The following MAP3K21 variants were observed in gnomAD, a reference collection of about 807,000 sequenced individuals.
MAP3K21 encodes mitogen-activated protein kinase kinase kinase MLK4.
A neutral mutation model predicts 86.1 loss-of-function variants in MAP3K21; 63 were observed. The observed-to-expected ratio is 0.73, with a 90% CI of 0.60 to 0.90. The LOEUF (loss-of-function observed/expected upper bound fraction) is 0.90, where lower values mean the gene tolerates loss of function less well. MAP3K21 is among the 40% of genes least tolerant of loss of function. The probability of loss-of-function intolerance (pLI) is 0.00; values close to 1 mark genes in which losing one functional copy is unlikely to be tolerated. For synonymous variants in MAP3K21, 558 were observed against 564.8 expected (o/e 0.99, Z 0.17); for missense variants, 1,220 against 1,367.7 (o/e 0.89, Z 1.70).
In MAP3K21 at chr1:233,379,533, C is replaced by A. The variant is rs146176484; in HGVS notation, c.2527C>A (p.Pro843Thr). 6.2e-7 allele frequency: 1 copy of A among 1,614,154 alleles called. No individual in the cohort carries two copies. The highest frequency in any genetic ancestry group is 2.2e-5 in the East Asian group (1 of 44,870). ...CACTCCGGATTTTTGTCCCACTGCCCCAGGAAGTGGTCGTGAGCCAGCCCT... is the reference window on the plus strand; with the variant it reads ...CACTCCGGATTTTTGTCCCACTGCCACAGGAAGTGGTCGTGAGCCAGCCCT... ...MLTPDFCPTA[P>T]GSGREPALMP... Residue 843 changes from proline (P) to threonine (T), a missense_variant, in exon 9 of 10, where the codon CCA (proline) becomes ACA (threonine). Around this residue, in one of 5 missense-constraint regions of MAP3K21, gnomAD observed 632 missense variants for 691.3 expected, o/e 0.91. Transcript: ENST00000366624.
In MAP3K21 at chr1:233,353,355, C is replaced by T. The variant is rs1013768357; in HGVS notation, c.987-452C>T. 3.3e-5 allele frequency among the ~76,000 whole-genome samples: 5 copies of T among 152,048 alleles called. No individual in the cohort carries two copies. In the East Asian group the frequency reaches 9.6e-4, roughly 29 times the overall value. ...TAAAAATAGTTAATCAACATGATTCCATGTCAGCCCTGTGGCATGCACCAT... is the reference window on the plus strand; with the variant it reads ...TAAAAATAGTTAATCAACATGATTCTATGTCAGCCCTGTGGCATGCACCAT... On this transcript the variant is annotated intron_variant, in intron 2 of 9. Coordinates refer to ENST00000366624, the MANE Select transcript of MAP3K21 (RefSeq NM_032435.3).
chr1:233,354,481 A>G (rs1015119775), intron 3 of MAP3K21, among the ~76,000 whole-genome samples: 1 of 152,192 alleles, frequency 6.6e-6, no homozygotes, highest in African/African-American at 2.4e-5. Flanking sequence ...TTTGAGTTAC[A>G]TGACTCCATA....
At chr1:233,334,020 G>A (rs964276351) in intron 1 of MAP3K21, among the ~76,000 whole-genome samples, 4 of 151,992 alleles carry the variant, frequency 2.6e-5, no homozygotes, top group Admixed American at 1.3e-4. Context: ...CCGCCACCAC[G>A]CCCAGCTAAT....
chr1:233,353,375 C>A (rs1001630354), intron 2 of MAP3K21, among the ~76,000 whole-genome samples: 2 of 152,108 alleles, frequency 1.3e-5, no homozygotes, highest in Non-Finnish European at 2.9e-5. Context: ...CTGTGGCATG[C>A]ACCATGAGAT....
intron 2 of MAP3K21, among the ~76,000 whole-genome samples, chr1:233,353,386 C>T (rs1221677923): frequency 2.0e-5 from 3 of 152,126 alleles, no homozygotes; most frequent in Admixed American, 1.3e-4. Flanking sequence ...ACCATGAGAT[C>T]TCTGTGGGGC....
At chr1:233,370,492 A>G (rs1663661141) in intron 5 of MAP3K21, among the ~76,000 whole-genome samples, 1 of 152,242 alleles carries the variant, frequency 6.6e-6, no homozygotes, top group East Asian at 1.9e-4. Flanking sequence ...GACAATATCA[A>G]GAAAAGTATT....
At position 233,381,863 on chromosome 1, in the gene MAP3K21, T is replaced by C. The variant is rs184557098; in HGVS notation, c.2705-442T>C. 2.2e-3 allele frequency among the ~76,000 whole-genome samples: 342 copies of C among 152,340 alleles called. 3 individuals are homozygous for C. Among genetic ancestry groups the C allele is most frequent in the African/African-American group, 7.2e-3 (300 of 41,564 alleles). ...TCAAATCATAATCTACAGTGAAGTT[T>C]AATCATGTTGACCATCATTTTTAAA... On this transcript the variant is annotated intron_variant, in intron 9 of 9. Coordinates refer to ENST00000366624, the MANE Select transcript of MAP3K21 (RefSeq NM_032435.3).
intron 2 of MAP3K21, among the ~76,000 whole-genome samples, chr1:233,351,440 A>G (rs1663250640): frequency 2.0e-5 from 3 of 152,128 alleles, no homozygotes; most frequent in Non-Finnish European, 4.4e-5. Context: ...GAGCAGTAAT[A>G]CCAGCACTTT....
intron 1 of MAP3K21, among the ~76,000 whole-genome samples, chr1:233,336,791 G>A (rs1054677507): frequency 2.0e-5 from 3 of 152,166 alleles, no homozygotes. Context: ...GAAAGCTACA[G>A]TTCTGAGGAC....
chr1:233,353,384 A>G (rs530274991), intron 2 of MAP3K21, among the ~76,000 whole-genome samples: 1 of 152,306 alleles, frequency 6.6e-6, no homozygotes, highest in African/African-American at 2.4e-5. Flanking sequence ...GCACCATGAG[A>G]TCTCTGTGGG....
chr1:233,370,127 A>G (rs1223693654), intron 5 of MAP3K21, among the ~76,000 whole-genome samples: 1 of 152,202 alleles, frequency 6.6e-6, no homozygotes, highest in African/African-American at 2.4e-5. Flanking sequence ...TAGGGATGAC[A>G]TGGTGATTGG....
intron 1 of MAP3K21, among the ~76,000 whole-genome samples, chr1:233,335,207 G>T (rs1427743902): frequency 1.3e-5 from 2 of 152,094 alleles, no homozygotes; most frequent in Non-Finnish European, 2.9e-5. Context: ...TGGGCAGAGG[G>T]TTTTGTGGGG....
chr1:233,363,202 G>A (rs1467787087), intron 5 of MAP3K21, among the ~76,000 whole-genome samples: 2 of 152,142 alleles, frequency 1.3e-5, no homozygotes, highest in African/African-American at 4.8e-5. Context: ...ATATATTAGA[G>A]TGCTCGGACG....
intron 1 of MAP3K21, among the ~76,000 whole-genome samples, chr1:233,333,211 T>C (rs1319615086): frequency 6.6e-6 from 1 of 152,234 alleles, no homozygotes; most frequent in African/African-American, 2.4e-5. Flanking sequence ...TTCACTATTA[T>C]CAGTTGTAAG....
Position 233,353,876 on chromosome 1 carries a change from G to A in MAP3K21, c.1056G>A (p.Val352=). The change falls in exon 3 of 10, where the codon GTG becomes GTA. Residue 352 remains valine (V), a synonymous_variant. Coordinates refer to ENST00000366624, the MANE Select transcript of MAP3K21 (RefSeq NM_032435.3). ...ATCGGGGCATTGATGGCCTCGCCGT[G>A]GCTTATGGGGTAGCAGTCAATAAAC... The part of the protein sequence containing the change: ...VPYRGIDGLA[V]AYGVAVNKLT... The A allele has an allele frequency of 6.2e-7, 1 of 1,613,384 alleles. No individual in the cohort carries two copies. Among genetic ancestry groups the A allele is most frequent in the Non-Finnish European group, 8.5e-7 (1 of 1,179,786 alleles).
intron 5 of MAP3K21, among the ~76,000 whole-genome samples, chr1:233,367,602 G>A (rs1663602611): frequency 1.3e-5 from 2 of 152,196 alleles, no homozygotes; most frequent in Non-Finnish European, 2.9e-5. Context: ...GCTCATGCCT[G>A]TAATCCCAGC....
intron 9 of MAP3K21, among the ~76,000 whole-genome samples, chr1:233,380,395 G>C (rs947610877): frequency 8.5e-5 from 13 of 152,236 alleles, no homozygotes; most frequent in African/African-American, 3.1e-4. Context: ...AGTCACATTG[G>C]ATTAGGGCCC....
chr1:233,349,208 G>A lies in MAP3K21; in HGVS notation c.986+2586G>A, dbSNP rs972668340. ...AAACCGTTAAATGTGTTTTCATTGA[G>A]TTAATGACTAATTTTAGTAATTTAG... On this transcript the variant is annotated intron_variant, in intron 2 of 9. Transcript: ENST00000366624. Among the ~76,000 whole-genome samples, 6 of 152,154 alleles carry A rather than the reference G, an allele frequency of 3.9e-5. No homozygotes were observed. In the South Asian group the frequency reaches 1.2e-3, roughly 32 times the overall value.
At chr1:233,371,962 G>C in intron 5 of MAP3K21, 76 bp from the exon 6 acceptor site, 2 of 1,434,324 alleles carry the variant, frequency 1.4e-6, no homozygotes, top group Non-Finnish European at 1.9e-6. Flanking sequence ...TGTTTTTATT[G>C]CTGTGTGCTA....
Sources: gnomAD v4.1 joint callset for allele counts (sites outside exome capture counted in the v4.1 genomes callset) on GRCh38, gnomAD v4.1.1 for gene constraint, gnomAD v4.1.1 regional missense constraint, MANE v1.5 for transcripts, NCBI Gene and HGNC (gene_info 2026-07-23, HGNC 2026-07-21) for gene names.